Variants in PTPRD observed in about 807,000 individuals in gnomAD.
The protein encoded by PTPRD is protein tyrosine phosphatase receptor type D, also known as receptor-type tyrosine-protein phosphatase delta.
Under a neutral mutation model 214.5 loss-of-function variants are expected in PTPRD, and 34 were observed. The ratio of observed to expected loss-of-function variants is 0.16; its 90% CI spans 0.12 to 0.21. The LOEUF is 0.21. PTPRD is among the 10% of genes least tolerant of loss of function. The probability of loss-of-function intolerance (pLI) is 1.00; values close to 1 mark genes in which losing one functional copy is unlikely to be tolerated. For synonymous variants in PTPRD, 1,128 were observed against 845.7 expected (o/e 1.33, Z -5.79); for missense variants, 2,545 against 2,398.7 (o/e 1.06, Z -1.27).
intron 14 of PTPRD, among the ~76,000 whole-genome samples, chr9:8,571,652 C>T (rs1382685309): frequency 1.3e-5 from 2 of 152,114 alleles, no homozygotes; most frequent in African/African-American, 4.8e-5. Flanking sequence ...AAATACCTCA[C>T]TTTCAGATTT....
chr9:8,835,178 C>T (rs1465321600), intron 11 of PTPRD, among the ~76,000 whole-genome samples: 3 of 152,200 alleles, frequency 2.0e-5, no homozygotes, highest in South Asian at 2.1e-4. Flanking sequence ...CAGCTCCTGG[C>T]ATAGCTAGAC....
chr9:10,568,722 T>G (rs541656247), intron 2 of PTPRD, among the ~76,000 whole-genome samples: 1 of 152,242 alleles, frequency 6.6e-6, no homozygotes, highest in East Asian at 1.9e-4. Context: ...TAGCCATATG[T>G]AGAAAGCTAA....
intron 2 of PTPRD, among the ~76,000 whole-genome samples, chr9:10,592,329 T>C (rs1212598910): frequency 6.6e-6 from 1 of 151,990 alleles, no homozygotes; most frequent in Non-Finnish European, 1.5e-5. Context: ...AATTACCCTT[T>C]GGGTAAACTT....
chr9:9,387,296 A>C (rs1477445728), intron 9 of PTPRD, among the ~76,000 whole-genome samples: 1 of 152,136 alleles, frequency 6.6e-6, no homozygotes, highest in Non-Finnish European at 1.5e-5. Flanking sequence ...TTGTTGAGAG[A>C]ATTTCTATTA....
At chr9:8,950,575 T>A (rs559761072) in intron 11 of PTPRD, among the ~76,000 whole-genome samples, 2 of 152,006 alleles carry the variant, frequency 1.3e-5, no homozygotes, top group African/African-American at 2.4e-5. Flanking sequence ...TGAAAACATA[T>A]TTTCAGATGT....
At chr9:9,281,664 A>G (rs1947742121) in intron 9 of PTPRD, among the ~76,000 whole-genome samples, 1 of 151,360 alleles carries the variant, frequency 6.6e-6, no homozygotes, top group Admixed American at 6.6e-5. Flanking sequence ...GCAAAATGGT[A>G]CAGCCACTTA....
At chr9:10,494,527 T>G (rs1479181066) in intron 2 of PTPRD, among the ~76,000 whole-genome samples, 1 of 151,646 alleles carries the variant, frequency 6.6e-6, no homozygotes, top group Non-Finnish European at 1.5e-5. Flanking sequence ...GTCAGATGAC[T>G]TGATTAAGAT....
intron 3 of PTPRD, among the ~76,000 whole-genome samples, chr9:10,121,666 C>T (rs1342954429): frequency 6.6e-6 from 1 of 152,190 alleles, no homozygotes; most frequent in East Asian, 1.9e-4. Flanking sequence ...TTTCACTTAT[C>T]TCTATCTCAT....
chr9:9,388,281 C>T (rs1213085610), intron 9 of PTPRD, among the ~76,000 whole-genome samples: 1 of 152,030 alleles, frequency 6.6e-6, no homozygotes, highest in Non-Finnish European at 1.5e-5. Context: ...TTTGAAAATG[C>T]AACATTTGGG....
At chr9:9,895,186 C>T (rs2074605300) in intron 5 of PTPRD, among the ~76,000 whole-genome samples, 1 of 151,908 alleles carries the variant, frequency 6.6e-6, no homozygotes, top group African/African-American at 2.4e-5. Flanking sequence ...TCAAAAGATG[C>T]ATTTGGGTTA....
chr9:9,883,035 A>G (rs995345413), intron 5 of PTPRD, among the ~76,000 whole-genome samples: 1 of 152,160 alleles, frequency 6.6e-6, no homozygotes, highest in Non-Finnish European at 1.5e-5. Context: ...TTTGAAGCCA[A>G]GAAGATGTTG....
At chr9:9,389,380 C>G (rs959030017) in intron 9 of PTPRD, among the ~76,000 whole-genome samples, 4 of 151,898 alleles carry the variant, frequency 2.6e-5, no homozygotes, top group Non-Finnish European at 5.9e-5. Flanking sequence ...CGTGGTGGCA[C>G]ATGCCTGTAA....
intron 7 of PTPRD, among the ~76,000 whole-genome samples, chr9:9,629,773 C>T (rs2095533719): frequency 6.6e-6 from 1 of 152,128 alleles, no homozygotes; most frequent in Non-Finnish European, 1.5e-5. Context: ...ATTCAAACCG[C>T]TAGAGACAGG....
intron 8 of PTPRD, among the ~76,000 whole-genome samples, chr9:9,503,411 T>TG (rs1447863274): frequency 1.3e-5 from 2 of 151,704 alleles, no homozygotes; most frequent in African/African-American, 4.8e-5. Flanking sequence ...AAATAAGATC[T>TG]GTTTCTCACA....
At chr9:9,924,859 A>C (rs1028448417) in intron 5 of PTPRD, among the ~76,000 whole-genome samples, 4 of 152,112 alleles carry the variant, frequency 2.6e-5, no homozygotes, top group Non-Finnish European at 5.9e-5. Flanking sequence ...TGTTGCTAGT[A>C]ATGTTAGAAT....
intron 9 of PTPRD, among the ~76,000 whole-genome samples, chr9:9,235,422 C>A (rs555983276): frequency 6.6e-6 from 1 of 152,324 alleles, no homozygotes; most frequent in Admixed American, 6.5e-5. Context: ...TGCACTCCTA[C>A]ATGGCTGTCC....
chr9:10,152,952 G>C (rs368218578), intron 3 of PTPRD, among the ~76,000 whole-genome samples: 1 of 152,140 alleles, frequency 6.6e-6, no homozygotes, highest in Admixed American at 6.6e-5. Flanking sequence ...TCACATATCT[G>C]TGGAATATAA....
At chr9:8,901,863 G>C (rs2098671476) in intron 11 of PTPRD, among the ~76,000 whole-genome samples, 1 of 152,048 alleles carries the variant, frequency 6.6e-6, no homozygotes, top group Admixed American at 6.6e-5. Context: ...ATACATATAA[G>C]ATGATGAAAT....
intron 11 of PTPRD, among the ~76,000 whole-genome samples, chr9:8,976,621 A>T (rs1477515167): frequency 6.6e-6 from 1 of 152,140 alleles, no homozygotes; most frequent in Non-Finnish European, 1.5e-5. Context: ...GTTTTGTCTA[A>T]TTCAATTTTG....
Sources: allele counts gnomAD v4.1 joint callset (sites outside exome capture counted in the v4.1 genomes callset), GRCh38; gene constraint gnomAD v4.1.1; transcripts MANE v1.5; gene names NCBI Gene and HGNC (gene_info 2026-07-23, HGNC 2026-07-21).